ERC2: variants seen among roughly 807,000 people sequenced by gnomAD.
The protein encoded by ERC2 is ERC protein 2.
Under a neutral mutation model 114.8 loss-of-function variants are expected in ERC2, and 42 were observed. The observed-to-expected ratio is 0.37, with a 90% confidence interval of 0.29 to 0.47. The LOEUF is 0.47. Ranked by LOEUF, ERC2 falls within the 20% of genes least tolerant of loss-of-function variation. The pLI is 0.99. For synonymous variants in ERC2, 454 were observed against 425.5 expected (o/e 1.07, Z -0.82); for missense variants, 939 against 1,150.7 (o/e 0.82, Z 2.66).
At chr3:55,558,378 C>T (rs1452637090) in intron 17 of ERC2, among the ~76,000 whole-genome samples, 2 of 152,168 alleles carry the variant, frequency 1.3e-5, no homozygotes, top group African/African-American at 4.8e-5. Context: ...CTTATATTTG[C>T]AGAAACCCTG....
intron 2 of ERC2, among the ~76,000 whole-genome samples, chr3:56,432,227 T>G (rs1217675350): frequency 6.6e-6 from 1 of 152,152 alleles, no homozygotes; most frequent in Admixed American, 6.5e-5. Context: ...AATATACATG[T>G]ATAATTGGGG....
At chr3:56,210,114 C>T (rs2048969053) in intron 3 of ERC2, among the ~76,000 whole-genome samples, 1 of 152,200 alleles carries the variant, frequency 6.6e-6, no homozygotes, top group Non-Finnish European at 1.5e-5. Context: ...TTTCTTCCTC[C>T]TAACTGACAA....
At chr3:55,687,376 GA>G (rs2062386459) in intron 16 of ERC2, among the ~76,000 whole-genome samples, 1 of 28,204 alleles carries the variant, frequency 3.5e-5, no homozygotes, top group South Asian at 8.9e-4. Flanking sequence ...GCCACCACCG[GA>G]TTTTTTTTTT....
At chr3:55,579,941 C>T (rs1445788659) in intron 17 of ERC2, among the ~76,000 whole-genome samples, 1 of 152,240 alleles carries the variant, frequency 6.6e-6, no homozygotes, top group African/African-American at 2.4e-5. Context: ...AGTATCTACA[C>T]ATTCCATGCT....
At chr3:56,438,301 C>T (rs888367430) in intron 1 of ERC2, among the ~76,000 whole-genome samples, 5 of 152,200 alleles carry the variant, frequency 3.3e-5, no homozygotes, top group Non-Finnish European at 7.3e-5. Flanking sequence ...TTCCTTTTAA[C>T]CAACTCCTCT....
At chr3:55,738,100 A>T (rs1328220522) in intron 14 of ERC2, among the ~76,000 whole-genome samples, 1 of 152,180 alleles carries the variant, frequency 6.6e-6, no homozygotes, top group Non-Finnish European at 1.5e-5. Flanking sequence ...TGAGCAATAA[A>T]GTCCTTTATC....
At chr3:55,598,744 G>A (rs183638717) in intron 17 of ERC2, among the ~76,000 whole-genome samples, 1 of 152,342 alleles carries the variant, frequency 6.6e-6, no homozygotes, top group Non-Finnish European at 1.5e-5. Flanking sequence ...GTATTTGTTG[G>A]ATGGCCTTTT....
chr3:55,708,058 G>A (rs1470067159), intron 15 of ERC2, among the ~76,000 whole-genome samples: 3 of 152,106 alleles, frequency 2.0e-5, no homozygotes, highest in Non-Finnish European at 4.4e-5. Context: ...CCTGGGAATG[G>A]GCTCTGATCA....
At chr3:55,811,543 C>T (rs1476382319) in intron 14 of ERC2, among the ~76,000 whole-genome samples, 1 of 152,196 alleles carries the variant, frequency 6.6e-6, no homozygotes, top group Non-Finnish European at 1.5e-5. Context: ...TCTACATTAC[C>T]TGAGCCTTAC....
rs992581287 is a variant in ERC2 at position 55,982,264 on chromosome 3, T to C, written c.2267+3713A>G. Among the ~76,000 whole-genome samples the C allele has an allele frequency of 3.3e-5, 5 of 152,146 alleles. 1 individual carries two copies. The highest frequency in any genetic ancestry group is 2.0e-4 in the Admixed American group (3 of 15,274). On this transcript the variant is annotated intron_variant, in intron 12 of 17. Coordinates refer to ENST00000288221, the MANE Select transcript of ERC2 (RefSeq NM_015576.3). ...GCAGACCTTCTCAGTGCTTTTACTA[T>C]GCAACTGGAGCAGAAGTGGCAAAAG... is the stretch of plus-strand genomic sequence containing the variant.
chr3:55,576,468 C>T (rs1457986368), intron 17 of ERC2, among the ~76,000 whole-genome samples: 1 of 152,172 alleles, frequency 6.6e-6, no homozygotes, highest in Non-Finnish European at 1.5e-5. Flanking sequence ...GAAACCGATG[C>T]TTAGGGAGGT....
chr3:55,879,501 C>G (rs1463405498), intron 14 of ERC2, among the ~76,000 whole-genome samples: 1 of 152,048 alleles, frequency 6.6e-6, no homozygotes, highest in Non-Finnish European at 1.5e-5. Context: ...GTCAGCTATC[C>G]CCAGCACAAA....
chr3:55,576,781 C>T (rs1191797061), intron 17 of ERC2, among the ~76,000 whole-genome samples: 1 of 152,250 alleles, frequency 6.6e-6, no homozygotes, highest in Non-Finnish European at 1.5e-5. Context: ...CTGCCCGACC[C>T]CACCATGTCA....
chr3:55,627,561 A>G (rs1232313206), intron 17 of ERC2, among the ~76,000 whole-genome samples: 2 of 152,176 alleles, frequency 1.3e-5, no homozygotes, highest in African/African-American at 2.4e-5. Flanking sequence ...GATTGGCCAT[A>G]TGGGTGAGCC....
chr3:55,960,055 G>C (rs908876072), intron 12 of ERC2, among the ~76,000 whole-genome samples: 2 of 152,202 alleles, frequency 1.3e-5, no homozygotes, highest in African/African-American at 4.8e-5. Context: ...GAGAGCTGAA[G>C]CCACCATCAC....
chr3:55,523,983 CA>C (rs2053138541), intron 17 of ERC2, among the ~76,000 whole-genome samples: 1 of 152,196 alleles, frequency 6.6e-6, no homozygotes, highest in Admixed American at 6.5e-5. Context: ...TTCCCCTTTC[CA>C]TTTTGCTGAC....
intron 14 of ERC2, among the ~76,000 whole-genome samples, chr3:55,847,877 C>A (rs915783658): frequency 6.6e-6 from 1 of 152,152 alleles, no homozygotes; most frequent in Non-Finnish European, 1.5e-5. Flanking sequence ...CAGCTCACTG[C>A]AGCCTTGACC....
chr3:55,777,856 T>C (rs2068742761), intron 14 of ERC2, among the ~76,000 whole-genome samples: 1 of 152,208 alleles, frequency 6.6e-6, no homozygotes, highest in African/African-American at 2.4e-5. Flanking sequence ...GTGTACTGTT[T>C]ATCAAGATGA....
chr3:56,244,034 CTTA>C (rs2051506054), intron 3 of ERC2, among the ~76,000 whole-genome samples: 1 of 152,080 alleles, frequency 6.6e-6, no homozygotes, highest in East Asian at 1.9e-4. Flanking sequence ...TGTAAAGATA[CTTA>C]TAATATTTTA....
Sources: allele counts gnomAD v4.1 joint callset (sites outside exome capture counted in the v4.1 genomes callset), GRCh38; gene constraint gnomAD v4.1.1; transcripts MANE v1.5; gene names NCBI Gene and HGNC (gene_info 2026-07-23, HGNC 2026-07-21).